ABCA12: variants seen among roughly 807,000 people sequenced by gnomAD.
The protein encoded by ABCA12 is glucosylceramide transporter ABCA12.
In ABCA12, 156 loss-of-function variants were observed where a neutral mutation model predicts 293.5. That is an observed-to-expected ratio of 0.53 (90% CI 0.47 to 0.61). The LOEUF (loss-of-function observed/expected upper bound fraction) is 0.61. Among genes scored for constraint, ABCA12 ranks in the 20% least tolerant of loss-of-function variants. ABCA12 has a pLI of 0.00. For synonymous variants in ABCA12, 1,063 were observed against 1,108.0 expected (o/e 0.96, Z 0.81); for missense variants, 2,797 against 3,090.2 (o/e 0.91, Z 2.25).
chr2:215,104,855 T>C (rs1055064075), intron 2 of ABCA12, among the ~76,000 whole-genome samples: 4 of 152,146 alleles, frequency 2.6e-5, no homozygotes, highest in African/African-American at 9.7e-5. Context: ...TGACGGGGCT[T>C]TATATTCATT....
intron 19 of ABCA12, among the ~76,000 whole-genome samples, chr2:215,005,891 AG>A (rs1020623486): frequency 2.6e-5 from 4 of 152,226 alleles, no homozygotes; most frequent in African/African-American, 9.6e-5. Context: ...GATCTTCACA[AG>A]TCTGTCATTA....
chr2:215,035,608 T>A (rs1352033163), intron 8 of ABCA12, among the ~76,000 whole-genome samples: 1 of 139,326 alleles, frequency 7.2e-6, no homozygotes, highest in East Asian at 2.1e-4. Flanking sequence ...GAGGTTACGG[T>A]GAGCCGAGAT....
At chr2:215,082,457 GC>G (rs1701962643) in intron 2 of ABCA12, 1 of 152,038 alleles carries the variant, frequency 6.6e-6, no homozygotes, top group Admixed American at 6.6e-5. Context: ...TGTCTCTCCT[GC>G]CTACTAAACT....
chr2:215,083,799 C>T (rs1701988784), intron 2 of ABCA12, among the ~76,000 whole-genome samples: 1 of 152,172 alleles, frequency 6.6e-6, no homozygotes, highest in Admixed American at 6.5e-5. Flanking sequence ...AGCTAAGTGG[C>T]ATGTCATGCT....
chr2:214,994,656 G>GT (rs982188592), intron 23 of ABCA12, among the ~76,000 whole-genome samples: 30 of 151,784 alleles, frequency 2.0e-4, no homozygotes, highest in Admixed American at 3.3e-4. Context: ...TTATATTATT[G>GT]TTTTTTTTAG....
intron 7 of ABCA12, among the ~76,000 whole-genome samples, chr2:215,043,139 G>C (rs1013697271): frequency 6.6e-6 from 1 of 152,034 alleles, no homozygotes; most frequent in South Asian, 2.1e-4. Flanking sequence ...TCTCATTATA[G>C]TTTTGATTTT....
Position 214,983,645 on chromosome 2 carries a change from G to A in ABCA12, c.4382+2C>T, listed in dbSNP as rs758448024. ...TAGGTTCTCATTCCTGTCTTAACTTGCCTTTTTACTTCCTCGTGGAGCTGC... is the reference window on the plus strand; with the variant it reads ...TAGGTTCTCATTCCTGTCTTAACTTACCTTTTTACTTCCTCGTGGAGCTGC... On this transcript the variant is annotated splice_donor_variant, in intron 29 of 52. Coordinates refer to ENST00000272895, the MANE Select transcript of ABCA12 (RefSeq NM_173076.3). LOFTEE classifies it low-confidence loss of function (GC_TO_GT_DONOR). 3 of 1,613,528 alleles carry A rather than the reference G, an allele frequency of 1.9e-6. No individual in the cohort carries two copies. Among genetic ancestry groups the A allele is most frequent in the Middle Eastern group, 1.6e-4 (1 of 6,080 alleles).
At chr2:215,130,830 G>A (rs1703036912) in intron 1 of ABCA12, among the ~76,000 whole-genome samples, 1 of 152,070 alleles carries the variant, frequency 6.6e-6, no homozygotes, top group Non-Finnish European at 1.5e-5. Flanking sequence ...ATTCTTAGGG[G>A]AAATGTTTCA....
Position 215,001,778 on chromosome 2 carries a change from C to A in ABCA12, c.2684-41G>T, listed in dbSNP as rs1251569200. On this transcript the variant is annotated intron_variant, in intron 20 of 52. Transcript: ENST00000272895. ...AAAAGAGACAAAAAAAAATTATGGT[C>A]CTGATTCTGGTCGTAATTAGATGAA... 15 of 1,574,674 alleles carry A rather than the reference C, an allele frequency of 9.5e-6. No homozygotes were observed. In the Admixed American group the frequency reaches 2.4e-4, roughly 25 times the overall value.
In ABCA12 at chr2:214,989,456, C is replaced by A. The variant is rs1423702442; in HGVS notation, c.3702G>T (p.Gln1234His). 2 of 1,613,636 alleles carry A rather than the reference C, an allele frequency of 1.2e-6. No homozygotes were observed. The highest frequency in any genetic ancestry group is 1.7e-6 in the Non-Finnish European group (2 of 1,179,912). The part of the protein sequence containing the change: ...ARYEEQGIGL[Q>H]WENMYTSPVQ... ...CCGGGGAGGTGTACATATTTTCCCACTGAAGACCTAAAAAGTGAACACAAG... is the reference window on the plus strand; with the variant it reads ...CCGGGGAGGTGTACATATTTTCCCAATGAAGACCTAAAAAGTGAACACAAG... Residue 1234 changes from glutamine to histidine, a missense_variant, in exon 26 of 53, where the codon CAG (glutamine) becomes CAT (histidine). Physicochemically the swap from Gln to His is conservative, Grantham distance 24 (BLOSUM62 0). This residue lies in a region of ABCA12 where 2,130 missense variants were observed against 2,427.0 expected (regional missense o/e 0.88). Transcript: ENST00000272895.
intron 45 of ABCA12, among the ~76,000 whole-genome samples, chr2:214,950,382 ATCTGTGTGTGTGTGTGTGTGTGTG>A (rs1698722330): frequency 8.1e-6 from 1 of 122,800 alleles, no homozygotes; most frequent in Non-Finnish European, 1.7e-5. Flanking sequence ...GTATATATAT[ATCTGTGTGTGTGTGTGTGTGTGTG>A]TGTGTGTGTG....
chr2:214,963,938 A>AAC, intron 39 of ABCA12, among the ~76,000 whole-genome samples: 1 of 151,420 alleles, frequency 6.6e-6, no homozygotes, highest in African/African-American at 2.4e-5. Context: ...AAAAAAAAAA[A>AAC]AAAAAAACTT....
intron 2 of ABCA12, among the ~76,000 whole-genome samples, chr2:215,069,190 T>TA (rs11317098): frequency 2.1e-4 from 31 of 149,886 alleles, no homozygotes; most frequent in Non-Finnish European, 3.6e-4. Context: ...TTCTGACTTT[T>TA]AAAAAAAAAA....
chr2:215,013,880 C>CA (rs1700430207), intron 15 of ABCA12, among the ~76,000 whole-genome samples: 1 of 152,076 alleles, frequency 6.6e-6, no homozygotes, highest in Non-Finnish European at 1.5e-5. Context: ...GTGCAAACGG[C>CA]AAATACATTT....
intron 23 of ABCA12, 33 bp from the exon 24 acceptor site, chr2:214,991,064 T>A: frequency 6.3e-7 from 1 of 1,575,618 alleles, no homozygotes; most frequent in Non-Finnish European, 8.7e-7. Flanking sequence ...GCGCTTGTTA[T>A]GCTGATATTC....
chr2:215,027,060 G>A, intron 9 of ABCA12, 122 bp from the exon 10 acceptor site: 2 of 744,486 alleles, frequency 2.7e-6, no homozygotes, highest in Non-Finnish European at 4.7e-6. Context: ...ATACTATGCA[G>A]TTGGCCGGGC....
At position 214,931,755 on chromosome 2, in the gene ABCA12, A is replaced by T. The variant is rs1307998879; in HGVS notation, c.*879T>A. ...ATAATTAGCTGAAAATTATCTTCATATTCGTTTTCCCTCCACAGGAATGTT... is the reference window on the plus strand; with the variant it reads ...ATAATTAGCTGAAAATTATCTTCATTTTCGTTTTCCCTCCACAGGAATGTT... On this transcript the variant is annotated 3_prime_UTR_variant, in exon 53 of 53. Coordinates refer to ENST00000272895, the MANE Select transcript of ABCA12 (RefSeq NM_173076.3). The T allele has an allele frequency of 1.3e-5, 2 of 152,572 alleles. No individual in the cohort carries two copies. Among genetic ancestry groups the T allele is most frequent in the South Asian group, 4.1e-4 (2 of 4,824 alleles). The allele number at this position is 152,572 out of a possible 1,614,324, so 9.5% of individuals were successfully genotyped here. A position where few individuals can be genotyped will look rare whatever the true frequency, so the allele number is the denominator to read the frequency against.
In ABCA12 at chr2:214,932,223, G is replaced by T. The variant is rs967570879; in HGVS notation, c.*411C>A. 4 of 244,600 alleles carry T rather than the reference G, an allele frequency of 1.6e-5. No individual in the cohort carries two copies. The highest frequency in any genetic ancestry group is 2.3e-5 in the African/African-American group (1 of 43,102). The allele number at this position is 244,600 out of a possible 1,614,324, so 15.2% of individuals were successfully genotyped here. ...CTGTTGTTTTCTGGAAATAAATTAT[G>T]TTGTCTGCTTGCCCGGTGGCACCTG... On this transcript the variant is annotated 3_prime_UTR_variant, in exon 53 of 53. Coordinates refer to ENST00000272895, the MANE Select transcript of ABCA12 (RefSeq NM_173076.3).
chr2:214,999,688 A>G (rs1700101758), intron 22 of ABCA12: 1 of 407,946 alleles, frequency 2.5e-6, no homozygotes, highest in Non-Finnish European at 3.3e-6. Flanking sequence ...ATTTGTGCAA[A>G]CCATTGCAGT....
Sources: gnomAD v4.1 joint callset for allele counts (sites outside exome capture counted in the v4.1 genomes callset) on GRCh38, gnomAD v4.1.1 for gene constraint, gnomAD v4.1.1 regional missense constraint, MANE v1.5 for transcripts, NCBI Gene and HGNC (gene_info 2026-07-23, HGNC 2026-07-21) for gene names.